The following IWS1 variants were observed in gnomAD, a reference collection of about 807,000 sequenced individuals.
IWS1 encodes protein IWS1 homolog.
IWS1 carries 27 observed loss-of-function variants against 86.7 expected under a neutral mutation model. The ratio of observed to expected loss-of-function variants is 0.31; its 90% CI spans 0.23 to 0.43. The LOEUF is 0.43. IWS1 is among the 20% of genes least tolerant of loss of function. IWS1 has a pLI of 1.00. For missense variants in IWS1, 827 were observed against 1,000.8 expected, an observed-to-expected ratio of 0.83 and a Z score of 2.34; for synonymous variants, 313 against 335.1, an observed-to-expected ratio of 0.93 and a Z score of 0.72.
intron 2 of IWS1, among the ~76,000 whole-genome samples, chr2:127,519,662 C>T (rs766040806): frequency 1.2e-4 from 18 of 152,094 alleles, no homozygotes; most frequent in African/African-American, 3.6e-4. Flanking sequence ...AAAATGTCCA[C>T]GTTCTAACCC....
At position 127,500,000 on chromosome 2, in the gene IWS1, A is replaced by T. The variant is rs115206593; in HGVS notation, c.1468-1763T>A. The stretch of plus-strand genomic sequence containing the variant: ...TTATACAATTAAATGTGAAAGACTG[A>T]ATAATCAAGCTTCTAGAAGATAACT... On this transcript the variant is annotated intron_variant, in intron 5 of 13. Coordinates refer to ENST00000295321, the MANE Select transcript of IWS1 (RefSeq NM_017969.3). The surrounding 1 kb of genome is among the most constrained non-coding windows in gnomAD (Gnocchi z 4.0). Among the ~76,000 whole-genome samples, 887 of 152,324 alleles carry T rather than the reference A, an allele frequency of 5.8e-3. 9 individuals carry two copies. Among genetic ancestry groups the T allele is most frequent in the African/African-American group, 0.02 (819 of 41,568 alleles).
Position 127,504,998 on chromosome 2 carries a change from G to A in IWS1, c.905C>T (p.Ser302Phe), listed in dbSNP as rs371061360. 5.0e-6 allele frequency: 8 copies of A among 1,613,854 alleles called. No homozygotes were observed. In the African/African-American group the frequency reaches 8.0e-5, roughly 16 times the overall value. The change falls in exon 3 of 14, where the codon TCT becomes TTT. Residue 302 changes from serine to phenylalanine, a missense_variant. Physicochemically the swap from Ser to Phe is radical, Grantham distance 155. Around this residue, in one of 2 missense-constraint regions of IWS1, gnomAD observed 548 missense variants for 560.2 expected, o/e 0.98. Coordinates refer to ENST00000295321, the MANE Select transcript of IWS1 (RefSeq NM_017969.3). ...EELPKPRVSDSESEGPQKGPA... is the reference protein window; with the variant it reads ...EELPKPRVSDFESEGPQKGPA... ...CCCCTTCTGAGGCCCCTCACTCTCA[G>A]AGTCACTGACTCGGGGTTTGGGTAG... is the stretch of plus-strand genomic sequence containing the variant.
At chr2:127,507,071 T>C (rs1206520258) in intron 2 of IWS1, among the ~76,000 whole-genome samples, 1 of 152,200 alleles carries the variant, frequency 6.6e-6, no homozygotes, top group East Asian at 1.9e-4. Flanking sequence ...TGACTTAAGC[T>C]ATGTGAACCT....
intron 2 of IWS1, among the ~76,000 whole-genome samples, chr2:127,518,490 G>A (rs1365033617): frequency 1.3e-5 from 2 of 152,036 alleles, no homozygotes; most frequent in Admixed American, 6.6e-5. Context: ...CTCCAGCCCG[G>A]GCGACAGTGT....
chr2:127,502,732 G>T, intron 5 of IWS1, 83 bp downstream of exon 5: 3 of 662,058 alleles, frequency 4.5e-6, no homozygotes, highest in Admixed American at 2.4e-5. Flanking sequence ...CTACTTATTA[G>T]AATCATCTAT....
At chr2:127,519,486 TGTGTGC>T (rs1020975036) in intron 2 of IWS1, among the ~76,000 whole-genome samples, 3 of 151,764 alleles carry the variant, frequency 2.0e-5, no homozygotes, top group East Asian at 1.9e-4. Context: ...TGTGTGTGTG[TGTGTGC>T]GTGTGTGTGC....
chr2:127,493,195 T>C (rs1264970216), intron 9 of IWS1, 86 bp downstream of exon 9: 42 of 1,242,272 alleles, frequency 3.4e-5, no homozygotes, highest in Middle Eastern at 2.2e-4. Flanking sequence ...AGATAACATA[T>C]AAAAACACTG....
chr2:127,487,666 C>T (rs573331351), intron 12 of IWS1, among the ~76,000 whole-genome samples: 1 of 152,204 alleles, frequency 6.6e-6, no homozygotes, highest in Admixed American at 6.5e-5. Context: ...TTCTCCTGCC[C>T]CAGCCTACAA....
At chr2:127,490,616 G>A (rs1354205907) in intron 10 of IWS1, among the ~76,000 whole-genome samples, 2 of 152,202 alleles carry the variant, frequency 1.3e-5, no homozygotes, top group Non-Finnish European at 2.9e-5. Flanking sequence ...GTCACACAAA[G>A]AAGGAAGCAG....
rs1690681670 is a variant in IWS1 at position 127,499,325 on chromosome 2, T to C, written c.1468-1088A>G. 6.6e-6 allele frequency among the ~76,000 whole-genome samples: 1 copy of C among 152,022 alleles called. No homozygotes were observed. The highest frequency in any genetic ancestry group is 2.4e-5 in the African/African-American group (1 of 41,418). On this transcript the variant is annotated intron_variant, in intron 5 of 13. Transcript: ENST00000295321. The surrounding 1 kb of genome is among the most constrained non-coding windows in gnomAD (Gnocchi z 4.0). ...CAGGATGGTCTCGATCTCCTGACCT[T>C]GTGAGCCGCCCACCTCGGCCTCCCA... is the stretch of plus-strand genomic sequence containing the variant.
chr2:127,481,010 TTAGAG>T lies in IWS1; in HGVS notation c.*29_*33del, dbSNP rs763749536. On this transcript the variant is annotated 3_prime_UTR_variant, in exon 14 of 14. Transcript: ENST00000295321. The stretch of plus-strand genomic sequence containing the variant: ...CTCCAAAGAGTCCATTGCGCATTTC[TTAGAG>T]TAGAGATGGGGACACATTCCAGGCA... 81 of 1,581,510 alleles carry T rather than the reference TTAGAG, an allele frequency of 5.1e-5. No individual in the cohort carries two copies. The highest frequency in any genetic ancestry group is 4.7e-5 in the Non-Finnish European group (55 of 1,168,520).
At chr2:127,485,104 G>A (rs566012369) in intron 13 of IWS1, among the ~76,000 whole-genome samples, 3 of 152,284 alleles carry the variant, frequency 2.0e-5, no homozygotes, top group African/African-American at 7.2e-5. Context: ...ACAAGAAAGA[G>A]GAGGGAGAGA....
At position 127,499,231 on chromosome 2, in the gene IWS1, C is replaced by T. The variant is rs376705779; in HGVS notation, c.1468-994G>A. ...TCAGCCTTCTGAGTAGCTGGGACTA[C>T]AGGCGCCTGCCACCATGCCCAGCTA... is the stretch of plus-strand genomic sequence containing the variant. On this transcript the variant is annotated intron_variant, in intron 5 of 13. Transcript: ENST00000295321. The surrounding 1 kb of genome is among the most constrained non-coding windows in gnomAD (Gnocchi z 4.0). Among the ~76,000 whole-genome samples, 17 of 152,078 alleles carry T rather than the reference C, an allele frequency of 1.1e-4. 1 individual carries two copies. The East Asian group carries it at 3.3e-3, about 29-fold the overall frequency.
chr2:127,511,478 C>T (rs1691450928), intron 2 of IWS1: 2 of 152,144 alleles, frequency 1.3e-5, no homozygotes, highest in Admixed American at 1.3e-4. Context: ...AAACATTCAC[C>T]CCTTCAAGAC....
chr2:127,496,550 TACACACAC>T (rs36048775), intron 6 of IWS1, among the ~76,000 whole-genome samples: 201 of 140,420 alleles, frequency 1.4e-3, no homozygotes, highest in African/African-American at 9.5e-4. Context: ...TATTTTATCA[TACACACAC>T]ACACACACAC....
intron 9 of IWS1, chr2:127,492,922 G>A (rs915273270): frequency 1.3e-5 from 2 of 159,664 alleles, no homozygotes; most frequent in Admixed American, 1.3e-4. Flanking sequence ...GCTTACCCAA[G>A]GTGTCACAAC....
intron 13 of IWS1, among the ~76,000 whole-genome samples, chr2:127,483,463 T>TA (rs11451463): frequency 0.13 from 18,065 of 140,604 alleles, 1,735 homozygotes; most frequent in African/African-American, 0.26. Flanking sequence ...AAATACATAA[T>TA]AAAAAAAAAA....
upstream of IWS1, among the ~76,000 whole-genome samples, chr2:127,527,266 T>C (rs1692473817): frequency 6.6e-6 from 1 of 152,212 alleles, no homozygotes; most frequent in African/African-American, 2.4e-5. Context: ...ATTCTGAGCC[T>C]GTTAATAAAG....
rs1304217405 is a variant in IWS1 at position 127,486,427 on chromosome 2, AC to A, written c.2328+125del. 1.0e-5 allele frequency: 7 copies of A among 668,486 alleles called. No homozygotes were observed. In the East Asian group the frequency reaches 1.7e-4, roughly 16 times the overall value. 41.4% of individuals were successfully genotyped at this position (668,486 alleles called of 1,614,324 possible). ...AATTTGTGGTTTGGCTAGATAAGCG[AC>A]CAGAAAACAGTCCTCTCTGAATCAG... is the stretch of plus-strand genomic sequence containing the variant. On this transcript the variant is annotated intron_variant, in intron 13 of 13. Coordinates refer to ENST00000295321, the MANE Select transcript of IWS1 (RefSeq NM_017969.3).
Sources: gnomAD v4.1 joint callset for allele counts (sites outside exome capture counted in the v4.1 genomes callset) on GRCh38, gnomAD v4.1.1 for gene constraint, gnomAD v4.1.1 regional missense constraint, Gnocchi (gnomAD v3.1) non-coding constraint, MANE v1.5 for transcripts, NCBI Gene and HGNC (gene_info 2026-07-23, HGNC 2026-07-21) for gene names.